The following PRKACB variants were observed in gnomAD, a reference collection of about 807,000 sequenced individuals.
PRKACB encodes cAMP-dependent protein kinase catalytic subunit beta.
Under a neutral mutation model 51.4 loss-of-function variants are expected in PRKACB, and 16 were observed. The observed-to-expected ratio is 0.31, with a 90% CI of 0.21 to 0.47. The LOEUF (loss-of-function observed/expected upper bound fraction) is 0.47. PRKACB is among the 20% of genes least tolerant of loss of function. PRKACB has a pLI of 1.00. For synonymous variants in PRKACB, 147 were observed against 154.4 expected, an observed-to-expected ratio of 0.95 and a Z score of 0.35; for missense variants, 309 against 464.5, an observed-to-expected ratio of 0.67 and a Z score of 3.08.
intron 9 of PRKACB, among the ~76,000 whole-genome samples, chr1:84,231,837 G>T (rs1353998050): frequency 6.6e-6 from 1 of 151,948 alleles, no homozygotes; most frequent in East Asian, 1.9e-4. Flanking sequence ...CTTGCTAGCA[G>T]TCTATCAATT....
At position 84,131,085 on chromosome 1, in the gene PRKACB, G is replaced by A. The variant is rs142429022; in HGVS notation, c.47-48092G>A. On this transcript the variant is annotated intron_variant, in intron 1 of 8. Transcript: ENST00000370688. ...TAAAATTTTAATTCTAGCTGGGTGC[G>A]GTGGCTCACGCCTGTAAACCCAGCA... Among the ~76,000 whole-genome samples the A allele has an allele frequency of 1.1e-4, 17 of 152,256 alleles. No individual in the cohort carries two copies. The East Asian group carries it at 2.9e-3, about 26-fold the overall frequency.
chr1:84,080,510 A>T (rs920937378), intron 1 of PRKACB, among the ~76,000 whole-genome samples: 1 of 152,192 alleles, frequency 6.6e-6, no homozygotes, highest in Admixed American at 6.5e-5. Flanking sequence ...ACCAAAAAAA[A>T]TAGCATGTTA....
chr1:84,225,503 AC>A (rs1674438486), intron 9 of PRKACB, among the ~76,000 whole-genome samples: 1 of 152,098 alleles, frequency 6.6e-6, no homozygotes, highest in Non-Finnish European at 1.5e-5. Flanking sequence ...TACCACTGGA[AC>A]CCCTTTGATA....
At chr1:84,220,387 A>G (rs1370693524) in intron 9 of PRKACB, among the ~76,000 whole-genome samples, 1 of 152,238 alleles carries the variant, frequency 6.6e-6, no homozygotes, top group South Asian at 2.1e-4. Flanking sequence ...GTCATCTGAA[A>G]GGAGGGGCAT....
At chr1:84,164,626 C>T (rs1656806287) in intron 1 of PRKACB, 14 of 1,378,466 alleles carry the variant, frequency 1.0e-5, no homozygotes, top group South Asian at 1.6e-5. Context: ...CTAATGTTGC[C>T]GTGGTAACAA....
At chr1:84,185,249 G>T (rs1477566588) in intron 5 of PRKACB, 67 bp downstream of exon 5, 4 of 1,187,454 alleles carry the variant, frequency 3.4e-6, no homozygotes, top group African/African-American at 3.3e-5. Context: ...TTTTTAAGTT[G>T]ATGCCAATGC....
intron 9 of PRKACB, among the ~76,000 whole-genome samples, chr1:84,232,007 G>A (rs1046077743): frequency 6.6e-6 from 1 of 150,926 alleles, no homozygotes; most frequent in African/African-American, 2.4e-5. Flanking sequence ...TTTTAATTGT[G>A]ATGTTAGGGT....
chr1:84,128,007 C>CTTTTTTTTTTTTT (rs10537848), intron 1 of PRKACB, among the ~76,000 whole-genome samples: 4 of 105,390 alleles, frequency 3.8e-5, no homozygotes, highest in African/African-American at 1.1e-4. Flanking sequence ...CTTTTTTTTT[C>CTTTTTTTTTTTTT]TTTTTTTTTT....
At chr1:84,190,049 C>A (rs59080912) in intron 5 of PRKACB, among the ~76,000 whole-genome samples, 1 of 151,858 alleles carries the variant, frequency 6.6e-6, no homozygotes, top group East Asian at 1.9e-4. Context: ...CTTCTTCCTC[C>A]GTTTTTGGAA....
intron 1 of PRKACB, among the ~76,000 whole-genome samples, chr1:84,137,936 A>G (rs1217873583): frequency 6.6e-6 from 1 of 152,202 alleles, no homozygotes; most frequent in East Asian, 1.9e-4. Context: ...TTGCTTATAG[A>G]CACAGTTACA....
chr1:84,079,741 C>T (rs1647375037), intron 1 of PRKACB, among the ~76,000 whole-genome samples: 1 of 152,238 alleles, frequency 6.6e-6, no homozygotes, highest in Admixed American at 6.5e-5. Context: ...TCTTGGCTCA[C>T]TGCAACCTCT....
chr1:84,148,333 T>C (rs1022686822), intron 1 of PRKACB, among the ~76,000 whole-genome samples: 22 of 152,034 alleles, frequency 1.4e-4, no homozygotes, highest in African/African-American at 4.8e-4. Context: ...TATCATCTTA[T>C]ACTTAACTTT....
intron 1 of PRKACB, among the ~76,000 whole-genome samples, chr1:84,082,056 G>A (rs1196261405): frequency 2.0e-5 from 3 of 152,178 alleles, no homozygotes; most frequent in African/African-American, 4.8e-5. Flanking sequence ...AATGCTTTCC[G>A]TGTATAAACT....
intron 1 of PRKACB, chr1:84,164,914 C>A: frequency 1.3e-6 from 2 of 1,501,882 alleles, no homozygotes; most frequent in Non-Finnish European, 1.8e-6. Context: ...GTGTTTACAC[C>A]ATCGGTTCTT....
Position 84,233,252 on chromosome 1 carries a change from T to G in PRKACB, c.1072-1928T>G, listed in dbSNP as rs560332876. Among the ~76,000 whole-genome samples, 10 of 152,264 alleles carry G rather than the reference T, an allele frequency of 6.6e-5. No homozygotes were observed. The South Asian group carries it at 1.0e-3, about 16-fold the overall frequency. ...TGTTGAATATTGGCACCCACTCTCT[T>G]CTGGCTTGTAGAGTTTCTGCCGAGA... On this transcript the variant is annotated intron_variant, in intron 9 of 9. Transcript: ENST00000370685.
At chr1:84,134,672 C>T (rs895272747) in intron 1 of PRKACB, among the ~76,000 whole-genome samples, 3 of 151,816 alleles carry the variant, frequency 2.0e-5, no homozygotes, top group Non-Finnish European at 2.9e-5. Context: ...AAAAATAGGA[C>T]GGGGAAGAAA....
intron 1 of PRKACB, chr1:84,164,817 G>T: frequency 1.5e-6 from 2 of 1,377,282 alleles, no homozygotes; most frequent in African/African-American, 2.9e-5. Flanking sequence ...CTCATGCTAG[G>T]CAGTTATGCT....
chr1:84,189,793 C>A (rs979558029), intron 5 of PRKACB, among the ~76,000 whole-genome samples: 1 of 152,046 alleles, frequency 6.6e-6, no homozygotes, highest in East Asian at 1.9e-4. Flanking sequence ...AATTAAAAAT[C>A]ACAACCTTTT....
rs1360820916 is a variant in PRKACB at position 84,078,372 on chromosome 1, G to T, written c.46+1G>T. 7 of 1,611,928 alleles carry T rather than the reference G, an allele frequency of 4.3e-6. No individual in the cohort carries two copies. Among genetic ancestry groups the T allele is most frequent in the African/African-American group, 1.3e-5 (1 of 74,944 alleles). On this transcript the variant is annotated splice_donor_variant, in intron 1 of 8. Coordinates refer to the PRKACB transcript ENST00000370688. LOFTEE classifies it high-confidence loss of function. ...AAGAAAGGCAGCGAGGTGGAGAGCGGTGAGTTGAAGGCCGGGTCTGGGTAT... is the reference window on the plus strand; with the variant it reads ...AAGAAAGGCAGCGAGGTGGAGAGCGTTGAGTTGAAGGCCGGGTCTGGGTAT...
Sources: gnomAD v4.1 joint callset for allele counts (sites outside exome capture counted in the v4.1 genomes callset) on GRCh38, gnomAD v4.1.1 for gene constraint, MANE v1.5 for transcripts, NCBI Gene and HGNC (gene_info 2026-07-23, HGNC 2026-07-21) for gene names.